Variants in MYPN observed in about 807,000 individuals in gnomAD.
MYPN encodes the protein sarcomeric protein myopalladin, 145 kDa (MYOP).
In MYPN, 63 loss-of-function variants were observed where a neutral mutation model predicts 129.4. The ratio of observed to expected loss-of-function variants is 0.49; its 90% CI spans 0.40 to 0.60. The LOEUF (loss-of-function observed/expected upper bound fraction) is 0.60, where lower values mean the gene tolerates loss of function less well. Among genes scored for constraint, MYPN ranks in the 20% least tolerant of loss-of-function variants. The pLI is 0.00. For missense variants in MYPN, 1,596 were observed against 1,635.4 expected (o/e 0.98, Z 0.42); for synonymous variants, 629 against 600.9 (o/e 1.05, Z -0.68).
intron 1 of MYPN, among the ~76,000 whole-genome samples, chr10:68,095,814 T>C (rs1229739441): frequency 3.3e-5 from 5 of 152,126 alleles, no homozygotes; most frequent in Non-Finnish European, 7.3e-5. Context: ...TTTTGCGAGA[T>C]GAAAAAGATT....
Position 68,195,451 on chromosome 10 carries a change from G to A in MYPN, c.3077G>A (p.Gly1026Glu), listed in dbSNP as rs774086403. The change falls in exon 15 of 20, where the codon GGG becomes GAG. Residue 1026 changes from glycine (G) to glutamate (E), a missense_variant and splice_region_variant. Transcript: ENST00000358913. Reference sequence around the variant, plus strand: ...TCTTGCTCTTTTTCTGTTTGTCAGGGGAGAATCAGCTGTTCTGGCCACTTG... The same window carrying A: ...TCTTGCTCTTTTTCTGTTTGTCAGGAGAGAATCAGCTGTTCTGGCCACTTG... ...NYTIMAANPQGRISCSGHLMV... is the reference protein window; with the variant it reads ...NYTIMAANPQERISCSGHLMV... 5.6e-6 allele frequency: 9 copies of A among 1,613,672 alleles called. No homozygotes were observed. The highest frequency in any genetic ancestry group is 7.6e-6 in the Non-Finnish European group (9 of 1,179,786).
At chr10:68,190,853 G>A (rs902953357) in intron 13 of MYPN, among the ~76,000 whole-genome samples, 12 of 152,164 alleles carry the variant, frequency 7.9e-5, no homozygotes, top group African/African-American at 2.9e-4. Context: ...ATTTAGACTG[G>A]ATTTTTTTAT....
At chr10:68,168,850 AGGTGT>A (rs1359101986) in intron 10 of MYPN, among the ~76,000 whole-genome samples, 1 of 151,978 alleles carries the variant, frequency 6.6e-6, no homozygotes, top group Admixed American at 6.6e-5. Flanking sequence ...CAAATTAGCC[AGGTGT>A]GGTGGCGCGT....
chr10:68,130,431 G>T (rs2134022083), intron 2 of MYPN, among the ~76,000 whole-genome samples: 1 of 149,824 alleles, frequency 6.7e-6, no homozygotes, highest in South Asian at 2.1e-4. Flanking sequence ...TTGCACTCCA[G>T]CCTGGGTGAC....
intron 14 of MYPN, 22 bp downstream of exon 14, chr10:68,194,534 C>A (rs754207585): frequency 6.2e-7 from 1 of 1,612,014 alleles, no homozygotes; most frequent in South Asian, 1.1e-5. Context: ...GGGTTCTGCG[C>A]TGTGCTGCAC....
chr10:68,194,435 G>A lies in MYPN; in HGVS notation c.2998G>A (p.Gly1000Arg), dbSNP rs540904740. 12 of 1,613,826 alleles carry A rather than the reference G, an allele frequency of 7.4e-6. No homozygotes were observed. The South Asian group carries it at 1.2e-4, about 16-fold the overall frequency. ...EHCKMRREGD[G>R]TCSLHIESTT... is the part of the protein sequence containing the mutation. Reference sequence around the variant, plus strand: ...CTGCAAAATGAGGCGAGAAGGAGATGGGACATGCTCTCTGCACATTGAATC... The same window carrying A: ...CTGCAAAATGAGGCGAGAAGGAGATAGGACATGCTCTCTGCACATTGAATC... Residue 1000 changes from glycine (G) to arginine (R), a missense_variant, in exon 14 of 20, where the codon GGG (glycine) becomes AGG (arginine). Physicochemically the swap from Gly to Arg is moderately radical, Grantham distance 125. Coordinates refer to ENST00000358913, the MANE Select transcript of MYPN (RefSeq NM_032578.4).
At chr10:68,112,310 TG>T (rs796077220) in intron 1 of MYPN, among the ~76,000 whole-genome samples, 1 of 152,218 alleles carries the variant, frequency 6.6e-6, no homozygotes, top group South Asian at 2.1e-4. Context: ...CTGGCTGCAG[TG>T]TCTTTCACTA....
chr10:68,095,587 G>T (rs2041952872), intron 1 of MYPN, among the ~76,000 whole-genome samples: 1 of 152,160 alleles, frequency 6.6e-6, no homozygotes, highest in African/African-American at 2.4e-5. Context: ...CTGTTACAGA[G>T]TCTTACTTCA....
At chr10:68,162,637 G>A (rs1255737645) in intron 8 of MYPN, among the ~76,000 whole-genome samples, 1 of 152,212 alleles carries the variant, frequency 6.6e-6, no homozygotes, top group Non-Finnish European at 1.5e-5. Flanking sequence ...GTGACAGAAA[G>A]CTGGTTTGTG....
intron 17 of MYPN, among the ~76,000 whole-genome samples, chr10:68,201,190 T>C (rs1005613362): frequency 2.6e-5 from 4 of 152,350 alleles, no homozygotes; most frequent in Non-Finnish European, 5.9e-5. Flanking sequence ...TGTTGAGATA[T>C]AAAAGAAATT....
At chr10:68,162,645 G>A (rs1261570190) in intron 8 of MYPN, among the ~76,000 whole-genome samples, 1 of 152,228 alleles carries the variant, frequency 6.6e-6, no homozygotes, top group African/African-American at 2.4e-5. Context: ...AAGCTGGTTT[G>A]TGATCTCATT....
At chr10:68,092,790 T>A (rs566302451) in intron 1 of MYPN, among the ~76,000 whole-genome samples, 3 of 152,234 alleles carry the variant, frequency 2.0e-5, no homozygotes, top group Non-Finnish European at 4.4e-5. Flanking sequence ...ATACTCATTG[T>A]AAATTTTCTG....
upstream of MYPN, among the ~76,000 whole-genome samples, chr10:68,105,672 T>C (rs997091900): frequency 5.9e-5 from 9 of 152,232 alleles, no homozygotes; most frequent in Admixed American, 5.2e-4. Context: ...AGCTTTAATT[T>C]AATCACCTTA....
intron 2 of MYPN, among the ~76,000 whole-genome samples, chr10:68,130,887 A>G (rs894847029): frequency 7.9e-5 from 12 of 152,316 alleles, no homozygotes; most frequent in South Asian, 2.1e-4. Flanking sequence ...GGAAAAGTAT[A>G]TCTTTTCCCC....
intron 10 of MYPN, among the ~76,000 whole-genome samples, chr10:68,168,664 G>A (rs1276262855): frequency 6.6e-6 from 1 of 152,174 alleles, no homozygotes; most frequent in Non-Finnish European, 1.5e-5. Flanking sequence ...AGTCATAGGT[G>A]GGGCTGGGGA....
intron 2 of MYPN, among the ~76,000 whole-genome samples, chr10:68,129,343 T>C (rs1437220496): frequency 6.6e-6 from 1 of 152,250 alleles, no homozygotes; most frequent in Admixed American, 6.5e-5. Flanking sequence ...GTTTTAAAAC[T>C]GATACAAGTG....
Position 68,151,151 on chromosome 10 carries a change from G to GA in MYPN, c.1317+1046dup, listed in dbSNP as rs200865213. Among the ~76,000 whole-genome samples, 1,480 of 152,156 alleles carry GA rather than the reference G, an allele frequency of 9.7e-3. 16 individuals are homozygous for GA. Among genetic ancestry groups the GA allele is most frequent in the Middle Eastern group, 0.037 (11 of 294 alleles). On this transcript the variant is annotated intron_variant, in intron 6 of 19. Coordinates refer to ENST00000358913, the MANE Select transcript of MYPN (RefSeq NM_032578.4). ...GAGAAATCCTGGTTTGAGCAAAATG[G>GA]AAAAAATGGGCTATTTTTCTAGTGA...
chr10:68,134,802 A>T lies in MYPN; in HGVS notation c.903-8138A>T, dbSNP rs575279861. On this transcript the variant is annotated intron_variant, in intron 2 of 19. Coordinates refer to ENST00000358913, the MANE Select transcript of MYPN (RefSeq NM_032578.4). ...GAGCAAGACTCCATCTCAAAAAAAT[A>T]AATTAATTAATTAATTAAATTAAAT... 1.4e-3 allele frequency among the ~76,000 whole-genome samples: 220 copies of T among 152,214 alleles called. 1 individual carries two copies. Among genetic ancestry groups the T allele is most frequent in the South Asian group, 4.2e-3 (20 of 4,818 alleles).
intron 17 of MYPN, 44 bp from the exon 18 acceptor site, chr10:68,201,785 A>AC (rs1178213209): frequency 1.6e-5 from 25 of 1,605,910 alleles, no homozygotes; most frequent in Non-Finnish European, 2.0e-5. Context: ...TGTCTCAAAA[A>AC]AAAAAAAAAG....
Sources: gnomAD v4.1 joint callset for allele counts (sites outside exome capture counted in the v4.1 genomes callset) on GRCh38, gnomAD v4.1.1 for gene constraint, MANE v1.5 for transcripts, NCBI Gene and HGNC (gene_info 2026-07-23, HGNC 2026-07-21) for gene names.